The following TRPS1 variants were observed in gnomAD, a reference collection of about 807,000 sequenced individuals.
The protein encoded by TRPS1 is zinc finger transcription factor Trps1.
A neutral mutation model predicts 101.2 loss-of-function variants in TRPS1; 6 were observed. The observed-to-expected ratio is 0.06, with a 90% confidence interval of 0.03 to 0.12. The LOEUF is 0.12. TRPS1 is among the 10% of genes least tolerant of loss of function. The probability of loss-of-function intolerance (pLI) is 1.00; values close to 1 mark genes in which losing one functional copy is unlikely to be tolerated. For synonymous variants in TRPS1, 578 were observed against 589.8 expected (o/e 0.98, Z 0.29); for missense variants, 1,363 against 1,567.0 (o/e 0.87, Z 2.20).
chr8:115,591,575 G>C (rs1817679441), intron 4 of TRPS1, among the ~76,000 whole-genome samples: 1 of 152,074 alleles, frequency 6.6e-6, no homozygotes, highest in African/African-American at 2.4e-5. Context: ...CTGACTCCTG[G>C]CATGTCTCAG....
intron 5 of TRPS1, among the ~76,000 whole-genome samples, chr8:115,543,511 T>C (rs1395769197): frequency 6.6e-6 from 1 of 152,192 alleles, no homozygotes; most frequent in Non-Finnish European, 1.5e-5. Context: ...CCTTTGGTTC[T>C]AAGATATGCA....
chr8:115,577,556 G>A (rs1384031385), intron 5 of TRPS1, among the ~76,000 whole-genome samples: 1 of 152,044 alleles, frequency 6.6e-6, no homozygotes, highest in African/African-American at 2.4e-5. Flanking sequence ...TTGAAATTCT[G>A]ATAAATACTC....
At chr8:115,579,549 A>T (rs1817395411) in intron 5 of TRPS1, among the ~76,000 whole-genome samples, 1 of 152,130 alleles carries the variant, frequency 6.6e-6, no homozygotes, top group Non-Finnish European at 1.5e-5. Flanking sequence ...TTAACCAGAA[A>T]TCTATTTTAA....
intron 1 of TRPS1, chr8:115,668,208 G>T: frequency 2.3e-6 from 1 of 444,032 alleles, no homozygotes; most frequent in Admixed American, 4.0e-5. Context: ...CCACCAAAAG[G>T]AGGAGAGGAA....
At chr8:115,496,080 A>C (rs1815142132) in intron 5 of TRPS1, among the ~76,000 whole-genome samples, 1 of 152,198 alleles carries the variant, frequency 6.6e-6, no homozygotes, top group Admixed American at 6.5e-5. Context: ...AGCTACACTT[A>C]GTTGAGCAAC....
At chr8:115,482,592 C>G (rs747338571) in intron 5 of TRPS1, among the ~76,000 whole-genome samples, 4 of 152,098 alleles carry the variant, frequency 2.6e-5, no homozygotes, top group Non-Finnish European at 5.9e-5. Flanking sequence ...TAAACATAGG[C>G]CTTTTAGTGT....
At chr8:115,504,554 A>G (rs1298723239) in intron 5 of TRPS1, among the ~76,000 whole-genome samples, 1 of 152,154 alleles carries the variant, frequency 6.6e-6, no homozygotes, top group Non-Finnish European at 1.5e-5. Flanking sequence ...CCCTTGCCCT[A>G]CCTTTAAACA....
Position 115,433,945 on chromosome 8 carries a change from T to C in TRPS1, c.2701-15493A>G, listed in dbSNP as rs527681200. Among the ~76,000 whole-genome samples the C allele has an allele frequency of 2.7e-5, 4 of 150,706 alleles. No individual in the cohort carries two copies. The East Asian group carries it at 7.9e-4, about 30-fold the overall frequency. On this transcript the variant is annotated intron_variant, in intron 5 of 6. Coordinates refer to ENST00000395715, the MANE Select transcript of TRPS1 (RefSeq NM_014112.5). ...TAAAAGAAAGCAGTGTCTATTTTGC[T>C]CAGGGCAGCTGTTTAAAGCGCCTGC...
chr8:115,460,247 C>A (rs1376408670), intron 5 of TRPS1, among the ~76,000 whole-genome samples: 1 of 151,950 alleles, frequency 6.6e-6, no homozygotes, highest in Non-Finnish European at 1.5e-5. Flanking sequence ...ACCCAGATTG[C>A]AGACTGAAAA....
chr8:115,613,562 C>T (rs775192002), intron 3 of TRPS1, among the ~76,000 whole-genome samples: 20 of 152,312 alleles, frequency 1.3e-4, no homozygotes, highest in African/African-American at 4.6e-4. Flanking sequence ...GACAGGCTTC[C>T]GTGGCCTGTC....
At chr8:115,587,702 C>A (rs1001983704) in intron 4 of TRPS1, 98 bp from the exon 5 acceptor site, 2 of 1,578,914 alleles carry the variant, frequency 1.3e-6, no homozygotes, top group African/African-American at 2.7e-5. Context: ...CCTACTCATG[C>A]AATATAGTAG....
chr8:115,471,911 G>T (rs1230370298), intron 5 of TRPS1, among the ~76,000 whole-genome samples: 1 of 152,196 alleles, frequency 6.6e-6, no homozygotes, highest in Non-Finnish European at 1.5e-5. Flanking sequence ...GGCTCCCATG[G>T]CCTTGGGCAG....
Position 115,414,815 on chromosome 8 carries a change from C to T in TRPS1, c.3093G>A (p.Gln1031=). The T allele has an allele frequency of 6.2e-7, 1 of 1,614,018 alleles. No individual in the cohort carries two copies. Among genetic ancestry groups the T allele is most frequent in the Non-Finnish European group, 8.5e-7 (1 of 1,179,940 alleles). The change falls in exon 7 of 7, where the codon CAG becomes CAA. Residue 1031 remains glutamine, a synonymous_variant. Coordinates refer to ENST00000395715, the MANE Select transcript of TRPS1 (RefSeq NM_014112.5). The surrounding 1 kb of genome is among the most constrained non-coding windows in gnomAD (Gnocchi z 4.8). ...GSLTKSHSAQ[Q]PVLVSQTLDI... The stretch of plus-strand genomic sequence containing the variant: ...CCAGAGTTTGGCTGACCAGGACTGG[C>T]TGCTGAGCAGAATGGCTTTTAGTCA...
At chr8:115,433,966 C>T (rs1047309505) in intron 5 of TRPS1, among the ~76,000 whole-genome samples, 5 of 107,530 alleles carry the variant, frequency 4.6e-5, no homozygotes, top group Non-Finnish European at 7.5e-5. Flanking sequence ...GTTTAAAGCG[C>T]CTGCTGTCAG....
chr8:115,644,289 T>C (rs1818966007), intron 1 of TRPS1, among the ~76,000 whole-genome samples: 1 of 152,224 alleles, frequency 6.6e-6, no homozygotes, highest in South Asian at 2.1e-4. Flanking sequence ...TCATCACTGA[T>C]CTTAACTAGA....
Position 115,633,160 on chromosome 8 carries a change from G to A in TRPS1, c.-121-9402C>T, listed in dbSNP as rs184980818. The stretch of plus-strand genomic sequence containing the variant: ...TGTACGGGAGAAAGGGCCAGGATGT[G>A]CCCCAGCAGGCAAACAGGTGGTAAA... On this transcript the variant is annotated intron_variant, in intron 1 of 6. Coordinates refer to ENST00000395715, the MANE Select transcript of TRPS1 (RefSeq NM_014112.5). Among the ~76,000 whole-genome samples, 277 of 152,158 alleles carry A rather than the reference G, an allele frequency of 1.8e-3. 2 individuals are homozygous for A. The highest frequency in any genetic ancestry group is 6.3e-4 in the Non-Finnish European group (43 of 67,998).
intron 5 of TRPS1, among the ~76,000 whole-genome samples, chr8:115,522,687 T>A (rs1305217356): frequency 6.6e-6 from 1 of 152,104 alleles, no homozygotes; most frequent in Admixed American, 6.6e-5. Flanking sequence ...AAAGAAAGCA[T>A]GTAAATTATT....
chr8:115,495,180 C>A lies in TRPS1; in HGVS notation c.2701-76728G>T, dbSNP rs561541094. On this transcript the variant is annotated intron_variant, in intron 5 of 6. Transcript: ENST00000395715. The stretch of plus-strand genomic sequence containing the variant: ...AAGGAAGCAAAATAAACAGAAGTAG[C>A]GGTAGAACAAAATCTTTAAAGCTAA... Among the ~76,000 whole-genome samples, 28 of 152,188 alleles carry A rather than the reference C, an allele frequency of 1.8e-4. No homozygotes were observed. The South Asian group carries it at 1.9e-3, about 10-fold the overall frequency.
At chr8:115,538,430 A>T (rs1482470414) in intron 5 of TRPS1, among the ~76,000 whole-genome samples, 1 of 152,176 alleles carries the variant, frequency 6.6e-6, no homozygotes, top group African/African-American at 2.4e-5. Context: ...AATTTGGAAA[A>T]TGTTCATGAA....
Sources: allele counts gnomAD v4.1 joint callset (sites outside exome capture counted in the v4.1 genomes callset), GRCh38; gene constraint gnomAD v4.1.1; non-coding constraint Gnocchi (gnomAD v3.1); transcripts MANE v1.5; gene names NCBI Gene and HGNC (gene_info 2026-07-23, HGNC 2026-07-21).